Variants in RELT observed in about 807,000 individuals in gnomAD.
The protein encoded by RELT is RELT TNF receptor.
A neutral mutation model predicts 51.1 loss-of-function variants in RELT; 37 were observed. The ratio of observed to expected loss-of-function variants is 0.72; its 90% CI spans 0.56 to 0.95. RELT has a LOEUF of 0.95. RELT is among the 40% of genes least tolerant of loss of function. RELT has a pLI of 0.00. For missense variants in RELT, 535 were observed against 572.6 expected (o/e 0.93, Z 0.67); for synonymous variants, 241 against 235.7 (o/e 1.02, Z -0.21).
In RELT at chr11:73,390,570, C is replaced by A. The variant is rs926289175; in HGVS notation, c.65C>A (p.Ala22Asp). Residue 22 changes from alanine (A) to aspartate (D), a missense_variant, in exon 3 of 11, where the codon GCC becomes GAC. Coordinates refer to ENST00000064780, the MANE Select transcript of RELT (RefSeq NM_152222.2). ...TTCTAGCTGCTGCCCTGGCCTCTCG[C>A]CACCCTGACATCAACAACCCTTTGG... is the stretch of plus-strand genomic sequence containing the variant. ...CFLMLLPWPL[A>D]TLTSTTLWQC... is the part of the protein sequence containing the mutation. The A allele has an allele frequency of 6.2e-7, 1 of 1,613,940 alleles. No individual in the cohort carries two copies. Among genetic ancestry groups the A allele is most frequent in the Non-Finnish European group, 8.5e-7 (1 of 1,179,980 alleles).
chr11:73,391,273 G>C lies in RELT; in HGVS notation c.367+50G>C, dbSNP rs779342640. On this transcript the variant is annotated intron_variant, in intron 5 of 10. Transcript: ENST00000064780. ...CTGGTGCAGGGGTATGTGCGGGAGG[G>C]GCCAGTGAGTTGGAGCCCAGCAGCC... 2.6e-6 allele frequency: 4 copies of C among 1,532,912 alleles called. No homozygotes were observed. In the South Asian group the frequency reaches 4.7e-5, roughly 18 times the overall value. 95.0% of individuals were successfully genotyped at this position (1,532,912 alleles called of 1,614,324 possible). A position where few individuals can be genotyped will look rare whatever the true frequency, so the allele number is the denominator to read the frequency against.
At chr11:73,385,958 C>G (rs1400731346) in intron 1 of RELT, among the ~76,000 whole-genome samples, 1 of 152,190 alleles carries the variant, frequency 6.6e-6, no homozygotes, top group African/African-American at 2.4e-5. Flanking sequence ...CTTAAAAGTT[C>G]AAAGTTGCAG....
At position 73,392,219 on chromosome 11, in the gene RELT, C is replaced by T. The variant is rs1227436665; in HGVS notation, c.376C>T (p.Arg126Trp). The T allele has an allele frequency of 1.4e-5, 23 of 1,610,496 alleles. No homozygotes were observed. The highest frequency in any genetic ancestry group is 6.7e-5 in the East Asian group (3 of 44,802). ...TCGTCTGTGATGCTCAGAGTGGGGG[C>T]GGCGGGCCCGACGTGGCGTGGAGGT... Reference protein sequence around the residue: ...LGTHGCDEWGRRARRGVEVAA... With the variant: ...LGTHGCDEWGWRARRGVEVAA... Residue 126 changes from arginine (R) to tryptophan (W), a missense_variant, in exon 6 of 11, where the codon CGG becomes TGG. Arg to Trp is a moderately radical substitution (Grantham distance 101). Coordinates refer to ENST00000064780, the MANE Select transcript of RELT (RefSeq NM_152222.2).
At chr11:73,386,877 T>G (rs1866132508) in intron 1 of RELT, among the ~76,000 whole-genome samples, 1 of 151,874 alleles carries the variant, frequency 6.6e-6, no homozygotes, top group African/African-American at 2.4e-5. Context: ...GGGCCTACCT[T>G]GGGGACATGG....
chr11:73,381,767 G>T (rs921167831), intron 1 of RELT, among the ~76,000 whole-genome samples: 3 of 152,220 alleles, frequency 2.0e-5, no homozygotes, highest in African/African-American at 7.2e-5. Flanking sequence ...CCTGGCTGGT[G>T]TGGGAGCAGG....
At chr11:73,391,110 T>C in intron 4 of RELT, 34 bp from the exon 5 acceptor site, 1 of 1,605,444 alleles carries the variant, frequency 6.2e-7, no homozygotes. Context: ...TTGGGGAAAC[T>C]TCTGGGCCTC....
chr11:73,380,147 G>A (rs1301167704), intron 1 of RELT, among the ~76,000 whole-genome samples: 1 of 152,168 alleles, frequency 6.6e-6, no homozygotes, highest in Non-Finnish European at 1.5e-5. Flanking sequence ...GCTCAGCTTG[G>A]TGGGGCCAGC....
At position 73,388,863 on chromosome 11, in the gene RELT, C is replaced by T. The variant is rs1404049356; in HGVS notation, c.-25-249C>T. Among the ~76,000 whole-genome samples the T allele has an allele frequency of 6.6e-6, 1 of 152,208 alleles. No homozygotes were observed. Among genetic ancestry groups the T allele is most frequent in the African/African-American group, 2.4e-5 (1 of 41,466 alleles). On this transcript the variant is annotated intron_variant, in intron 1 of 10. Transcript: ENST00000064780. This position sits in a 1 kb window ranked among gnomAD's most constrained non-coding sequence, Gnocchi z 4.1. The stretch of plus-strand genomic sequence containing the variant: ...AAGCCCTTCCTCCTCTGGGAAGCCT[C>T]CCAGCCTGCAGAGCCTTCTTCCTGC...
intron 1 of RELT, among the ~76,000 whole-genome samples, chr11:73,381,872 G>GC (rs1866055566): frequency 6.6e-6 from 1 of 152,164 alleles, no homozygotes; most frequent in African/African-American, 2.4e-5. Flanking sequence ...GGTTTACGTG[G>GC]AGTTCCCCAA....
chr11:73,377,269 A>AGTGTGTGTGG (rs1865982800), intron 1 of RELT, among the ~76,000 whole-genome samples: 1 of 146,086 alleles, frequency 6.8e-6, no homozygotes, highest in Non-Finnish European at 1.5e-5. Context: ...AAGTGGTGTC[A>AGTGTGTGTGG]GTGTGTGTGT....
At chr11:73,377,287 T>TGTG (rs1367280690) in intron 1 of RELT, among the ~76,000 whole-genome samples, 1 of 151,822 alleles carries the variant, frequency 6.6e-6, no homozygotes, top group African/African-American at 2.4e-5. Context: ...TGTGTGTGTG[T>TGTG]GTGTGTCTGC....
rs970352143 is a variant in RELT, at chr11:73,395,549, T to A, written c.*58T>A. On this transcript the variant is annotated 3_prime_UTR_variant, in exon 11 of 11. Coordinates refer to ENST00000064780, the MANE Select transcript of RELT (RefSeq NM_152222.2). ...GCCCTGGGAGGTTCCGAAGGCTTCC[T>A]GGAGGAGGTGGAGCTGCAGCTGGGA... 5.3e-5 allele frequency: 41 copies of A among 779,910 alleles called. No homozygotes were observed. In the African/African-American group the frequency reaches 5.7e-4, roughly 11 times the overall value. 48.3% of individuals were successfully genotyped at this position (779,910 alleles called of 1,614,324 possible). A position where few individuals can be genotyped will look rare whatever the true frequency, so the allele number is the denominator to read the frequency against.
At chr11:73,386,064 C>A (rs1397115344) in intron 1 of RELT, among the ~76,000 whole-genome samples, 1 of 152,228 alleles carries the variant, frequency 6.6e-6, no homozygotes, top group Non-Finnish European at 1.5e-5. Context: ...AACTTCGCGA[C>A]AGCCATGCCA....
rs957536468 is a variant in RELT, at chr11:73,384,964, G to A, written c.-25-4148G>A. On this transcript the variant is annotated intron_variant, in intron 1 of 10. Coordinates refer to ENST00000064780, the MANE Select transcript of RELT (RefSeq NM_152222.2). ...GCGATGAGGGGAGAGCAGAAAGCAG[G>A]TGCAGCGTGTGTGAGGGTGGAAAGC... Among the ~76,000 whole-genome samples the A allele has an allele frequency of 2.0e-5, 3 of 152,104 alleles. No homozygotes were observed. In the South Asian group the frequency reaches 6.2e-4, roughly 32 times the overall value.
chr11:73,385,278 A>C (rs906045361), intron 1 of RELT, among the ~76,000 whole-genome samples: 5 of 152,174 alleles, frequency 3.3e-5, no homozygotes, highest in Non-Finnish European at 7.4e-5. Flanking sequence ...GTTCTGGGAA[A>C]GGGGAAGCTG....
Position 73,379,198 on chromosome 11 carries a change from G to T in RELT, c.-26+2699G>T, listed in dbSNP as rs983750813. ...AGCTGTCGTGGTCTCTAGGGGCTGA[G>T]CCGGAGTTATTTCCATCCTCAACAA... is the stretch of plus-strand genomic sequence containing the variant. On this transcript the variant is annotated intron_variant, in intron 1 of 10. Coordinates refer to ENST00000064780, the MANE Select transcript of RELT (RefSeq NM_152222.2). 6.6e-5 allele frequency among the ~76,000 whole-genome samples: 10 copies of T among 152,342 alleles called. 1 individual carries two copies. The highest frequency in any genetic ancestry group is 3.9e-4 in the Admixed American group (6 of 15,298).
rs200938642 is a variant in RELT, at chr11:73,391,170, G to A, written c.314G>A (p.Arg105His). 12 of 1,613,882 alleles carry A rather than the reference G, an allele frequency of 7.4e-6. No individual in the cohort carries two copies. The highest frequency in any genetic ancestry group is 4.5e-5 in the East Asian group (2 of 44,870). The change falls in exon 5 of 11, where the codon CGC becomes CAC. Residue 105 changes from arginine (R) to histidine (H), a missense_variant. By Grantham distance (29) the Arg-to-His change is conservative (BLOSUM62 0). Coordinates refer to ENST00000064780, the MANE Select transcript of RELT (RefSeq NM_152222.2). ...PGWFGPWGVP[R>H]VPCQPCSWAP... is the part of the protein sequence containing the mutation. ...TGGTTTGGGCCTTGGGGGGTTCCCC[G>A]CGTTCCATGTCAACCATGTTCCTGG...
At chr11:73,384,162 G>C (rs1866088893) in intron 1 of RELT, among the ~76,000 whole-genome samples, 1 of 152,156 alleles carries the variant, frequency 6.6e-6, no homozygotes, top group Non-Finnish European at 1.5e-5. Flanking sequence ...TGGGGAGCCT[G>C]CTGAGACCGA....
intron 2 of RELT, among the ~76,000 whole-genome samples, chr11:73,389,825 C>G (rs1425981414): frequency 6.6e-6 from 1 of 152,190 alleles, no homozygotes; most frequent in African/African-American, 2.4e-5. Flanking sequence ...ATCCCTATTC[C>G]ATCTCCAGGG....
Sources: allele counts gnomAD v4.1 joint callset (sites outside exome capture counted in the v4.1 genomes callset), GRCh38; gene constraint gnomAD v4.1.1; non-coding constraint Gnocchi (gnomAD v3.1); transcripts MANE v1.5; gene names NCBI Gene and HGNC (gene_info 2026-07-23, HGNC 2026-07-21).